The following VSIG10L2 variants were observed in gnomAD, a reference collection of about 807,000 sequenced individuals.
VSIG10L2 encodes V-set and immunoglobulin domain-containing protein 10-like 2.
Under a neutral mutation model 67.1 loss-of-function variants are expected in VSIG10L2, and 56 were observed. The ratio of observed to expected loss-of-function variants is 0.83; its 90% CI spans 0.67 to 1.04. The LOEUF (loss-of-function observed/expected upper bound fraction) is 1.04, where lower values mean the gene tolerates loss of function less well. VSIG10L2 is among the 50% of genes least tolerant of loss of function. The pLI is 0.00. For missense variants in VSIG10L2, 843 were observed against 932.8 expected (o/e 0.90, Z 1.25); for synonymous variants, 360 against 396.6 (o/e 0.91, Z 1.10).
intron 5 of VSIG10L2, 136 bp from the exon 6 acceptor site, chr11:125,951,677 G>A (rs1945374379): frequency 3.6e-6 from 3 of 828,608 alleles, no homozygotes; most frequent in African/African-American, 1.7e-5. Context: ...AATAAATGAT[G>A]AGTGTGTGAA....
intron 4 of VSIG10L2, 125 bp from the exon 5 acceptor site, chr11:125,950,785 A>G: frequency 1.1e-6 from 1 of 913,922 alleles, no homozygotes; most frequent in Non-Finnish European, 1.4e-6. Flanking sequence ...TCTTTCCCCT[A>G]ACCCACTTCT....
At chr11:125,947,329 C>G in intron 1 of VSIG10L2, 1 of 662,190 alleles carries the variant, frequency 1.5e-6, no homozygotes, top group Non-Finnish European at 1.9e-6. Flanking sequence ...AATATGGATT[C>G]CTGGGCCCTG....
At chr11:125,953,378 C>T (rs1281164723) in intron 6 of VSIG10L2, 22 bp from the exon 7 acceptor site, 12 of 1,232,450 alleles carry the variant, frequency 9.7e-6, no homozygotes, top group Non-Finnish European at 2.0e-6. Flanking sequence ...ACTAGCCGGC[C>T]TCATCCTCTC....
chr11:125,948,784 G>A (rs1174969776), intron 3 of VSIG10L2, among the ~76,000 whole-genome samples: 1 of 152,266 alleles, frequency 6.6e-6, no homozygotes, highest in Non-Finnish European at 1.5e-5. Flanking sequence ...GCCTTATAAA[G>A]GTCAAGGACA....
In VSIG10L2 at chr11:125,948,351, G is replaced by T; in HGVS notation, c.480G>T (p.Val160=). Residue 160 remains valine (V), a synonymous_variant, in exon 3 of 12, where the codon GTG becomes GTT. Transcript: ENST00000686984. ...TGCGACTGAGTAACCCGTCCCCTGT[G>T]GAGGGAGCCTCCGTGGTGGCCACGT... ...PQVRLSNPSP[V]EGASVVATCA... 8.1e-7 allele frequency: 1 copy of T among 1,232,474 alleles called. No homozygotes were observed. Among genetic ancestry groups the T allele is most frequent in the South Asian group, 4.1e-5 (1 of 24,314 alleles). 76.3% of individuals were successfully genotyped at this position (1,232,474 alleles called of 1,614,324 possible). A position where few individuals can be genotyped will look rare whatever the true frequency, so the allele number is the denominator to read the frequency against.
At chr11:125,948,781 A>G (rs1945327160) in intron 3 of VSIG10L2, among the ~76,000 whole-genome samples, 1 of 152,238 alleles carries the variant, frequency 6.6e-6, no homozygotes, top group South Asian at 2.1e-4. Flanking sequence ...TTAGCCTTAT[A>G]AAGGTCAAGG....
chr11:125,948,637 A>T (rs634871), intron 3 of VSIG10L2, 57 bp downstream of exon 3: 420,392 of 1,228,884 alleles, frequency 0.34, 73,637 homozygotes, highest in East Asian at 0.59. Flanking sequence ...CCCCATCCAC[A>T]CTCAGCCTTC....
In VSIG10L2 at chr11:125,948,344, C is replaced by G. The variant is rs888080350; in HGVS notation, c.473C>G (p.Ser158Cys). The G allele has an allele frequency of 1.4e-4, 170 of 1,232,410 alleles. No homozygotes were observed. Among genetic ancestry groups the G allele is most frequent in the Admixed American group, 3.4e-4 (8 of 23,716 alleles). The allele number at this position is 1,232,410 out of a possible 1,614,324, so 76.3% of individuals were successfully genotyped here. ...CCTCAAGTGCGACTGAGTAACCCGT[C>G]CCCTGTGGAGGGAGCCTCCGTGGTG... Reference protein sequence around the residue: ...SKPQVRLSNPSPVEGASVVAT... With the variant: ...SKPQVRLSNPCPVEGASVVAT... The change falls in exon 3 of 12, where the codon TCC (serine) becomes TGC (cysteine). Residue 158 changes from serine to cysteine, a missense_variant. This residue lies in a region of VSIG10L2 where 446 missense variants were observed against 548.4 expected (regional missense o/e 0.81). Coordinates refer to ENST00000686984, the MANE Select transcript of VSIG10L2 (RefSeq NM_001365077.2).
At chr11:125,950,434 C>A in intron 4 of VSIG10L2, 145 bp downstream of exon 4, 4 of 836,494 alleles carry the variant, frequency 4.8e-6, no homozygotes, top group East Asian at 3.4e-5. Context: ...GGTCTCCAAC[C>A]AAGTGGAGTT....
At position 125,953,535 on chromosome 11, in the gene VSIG10L2, AC is replaced by A; in HGVS notation, c.1635del (p.Gly546AlafsTer50). ...LWLGPQQQKV[D>X]PGTSGFMLHP... is the part of the protein sequence containing the mutation. ...CTGGGGCCTCAACAACAAAAAGTGG[AC>A]CCCGGCACTTCAGGATTCATGCTGC... On this transcript the variant is annotated frameshift_variant, in exon 7 of 12. Transcript: ENST00000686984. LOFTEE classifies it high-confidence loss of function. 8.1e-7 allele frequency: 1 copy of A among 1,232,066 alleles called. No homozygotes were observed. The highest frequency in any genetic ancestry group is 1.0e-6 in the Non-Finnish European group (1 of 988,028). The allele number at this position is 1,232,066 out of a possible 1,614,324, so 76.3% of individuals were successfully genotyped here.
intron 3 of VSIG10L2, 24 bp from the exon 4 acceptor site, chr11:125,949,990 T>C (rs1294036249): frequency 4.1e-6 from 5 of 1,232,260 alleles, no homozygotes; most frequent in Non-Finnish European, 5.1e-6. Flanking sequence ...TGGGGAGGTG[T>C]AACTGGCCTT....
Position 125,953,656 on chromosome 11 carries a change from C to A in VSIG10L2, c.1752C>A (p.Gly584=). 1 of 1,232,152 alleles carries A rather than the reference C, an allele frequency of 8.1e-7. No homozygotes were observed. The highest frequency in any genetic ancestry group is 4.2e-5 in the Admixed American group (1 of 23,700). 76.3% of individuals were successfully genotyped at this position (1,232,152 alleles called of 1,614,324 possible). ...TYQCVARNAV[G]NSSQSVLLEV... is the part of the protein sequence containing the mutation. ...AATGCGTGGCCCGCAACGCCGTGGG[C>A]AATAGCAGTCAGAGTGTGCTGCTGG... Residue 584 remains glycine, a synonymous_variant, in exon 7 of 12, where the codon GGC becomes GGA. Transcript: ENST00000686984.
chr11:125,955,931 T>A lies in VSIG10L2; in HGVS notation c.*17T>A, dbSNP rs959166340. 1.2e-5 allele frequency: 8 copies of A among 647,710 alleles called. No homozygotes were observed. Among genetic ancestry groups the A allele is most frequent in the Non-Finnish European group, 5.5e-6 (2 of 360,862 alleles). 40.1% of individuals were successfully genotyped at this position (647,710 alleles called of 1,614,324 possible). A position where few individuals can be genotyped will look rare whatever the true frequency, so the allele number is the denominator to read the frequency against. On this transcript the variant is annotated 3_prime_UTR_variant, in exon 12 of 12. Transcript: ENST00000686984. Reference sequence around the variant, plus strand: ...ACACCATAAGGCCCAAAGAGGAAGATGCAAATAGGCTTAGGGAGGGCAGGT... The same window carrying A: ...ACACCATAAGGCCCAAAGAGGAAGAAGCAAATAGGCTTAGGGAGGGCAGGT...
chr11:125,950,073 T>C lies in VSIG10L2; in HGVS notation c.769T>C (p.Trp257Arg). ...EPLGLTEEGF[W>R]ASEREEVTLS... is the part of the protein sequence containing the mutation. The stretch of plus-strand genomic sequence containing the variant: ...GCTGGGACTCACTGAGGAGGGCTTC[T>C]GGGCCAGTGAGAGGGAAGAGGTGAC... Residue 257 changes from tryptophan (W) to arginine (R), a missense_variant, in exon 4 of 12, where the codon TGG (tryptophan) becomes CGG (arginine). Around this residue, in one of 2 missense-constraint regions of VSIG10L2, gnomAD observed 446 missense variants for 548.4 expected, o/e 0.81. Coordinates refer to ENST00000686984, the MANE Select transcript of VSIG10L2 (RefSeq NM_001365077.2). The C allele has an allele frequency of 8.1e-7, 1 of 1,232,480 alleles. No homozygotes were observed. The highest frequency in any genetic ancestry group is 1.0e-6 in the Non-Finnish European group (1 of 988,198). 76.3% of individuals were successfully genotyped at this position (1,232,480 alleles called of 1,614,324 possible).
intron 6 of VSIG10L2, 114 bp downstream of exon 6, chr11:125,952,187 G>A: frequency 7.3e-7 from 1 of 1,361,460 alleles, no homozygotes; most frequent in Non-Finnish European, 9.7e-7. Context: ...GTGAGTCAGT[G>A]CGGACGGGGA....
chr11:125,949,989 G>A (rs2134303374), intron 3 of VSIG10L2, 25 bp from the exon 4 acceptor site: 2 of 1,232,464 alleles, frequency 1.6e-6, no homozygotes, highest in African/African-American at 1.5e-5. Context: ...CTGGGGAGGT[G>A]TAACTGGCCT....
rs921456464 is a variant in VSIG10L2 at position 125,950,267 on chromosome 11, T to G, written c.963T>G (p.Thr321=). ...RNSYLDTRTQ[T]TVQLTIYYPP... ...GCTACCTGGACACCCGCACCCAGAC[T>G]ACTGTCCAGCTCACCATCTACTGTG... Residue 321 remains threonine, a synonymous_variant, in exon 4 of 12, where the codon ACT becomes ACG. Transcript: ENST00000686984. 7.3e-6 allele frequency: 9 copies of G among 1,232,356 alleles called. No individual in the cohort carries two copies. The highest frequency in any genetic ancestry group is 8.1e-6 in the Non-Finnish European group (8 of 988,218). The allele number at this position is 1,232,356 out of a possible 1,614,324, so 76.3% of individuals were successfully genotyped here.
intron 7 of VSIG10L2, among the ~76,000 whole-genome samples, 167 bp downstream of exon 7, chr11:125,953,857 G>A (rs581548): frequency 0.076 from 11,630 of 152,300 alleles, 648 homozygotes; most frequent in Admixed American, 0.18. Context: ...CAACATGCGC[G>A]TGAATCTGCT....
Position 125,951,044 on chromosome 11 carries a change from C to T in VSIG10L2, c.1120C>T (p.Pro374Ser). 1.6e-6 allele frequency: 2 copies of T among 1,232,476 alleles called. No individual in the cohort carries two copies. The allele number at this position is 1,232,476 out of a possible 1,614,324, so 76.3% of individuals were successfully genotyped here. ...GCCTCAGGGACCTGGCCCTACTGCCCCCAGCAACGTCACCTGGAGTCACGC... is the reference window on the plus strand; with the variant it reads ...GCCTCAGGGACCTGGCCCTACTGCCTCCAGCAACGTCACCTGGAGTCACGC... The part of the protein sequence containing the change: ...EGPQGPGPTA[P>S]SNVTWSHAAA... The change falls in exon 5 of 12, where the codon CCC (proline) becomes TCC (serine). Residue 374 changes from proline to serine, a missense_variant. Physicochemically the swap from Pro to Ser is moderately conservative, Grantham distance 74. This residue lies in a region of VSIG10L2 where 446 missense variants were observed against 548.4 expected (regional missense o/e 0.81). Coordinates refer to ENST00000686984, the MANE Select transcript of VSIG10L2 (RefSeq NM_001365077.2).
Sources: gnomAD v4.1 joint callset for allele counts (sites outside exome capture counted in the v4.1 genomes callset) on GRCh38, gnomAD v4.1.1 for gene constraint, gnomAD v4.1.1 regional missense constraint, MANE v1.5 for transcripts, NCBI Gene and HGNC (gene_info 2026-07-23, HGNC 2026-07-21) for gene names.